PPP1R13B: variants seen among roughly 807,000 people sequenced by gnomAD.
PPP1R13B encodes apoptosis-stimulating of p53 protein 1.
Under a neutral mutation model 119.8 loss-of-function variants are expected in PPP1R13B, and 44 were observed. The ratio of observed to expected loss-of-function variants is 0.37; its 90% CI spans 0.29 to 0.47. The LOEUF (loss-of-function observed/expected upper bound fraction) is 0.47, where lower values mean the gene tolerates loss of function less well. Among genes scored for constraint, PPP1R13B ranks in the 20% least tolerant of loss-of-function variants. The pLI is 0.99. For synonymous variants in PPP1R13B, 542 were observed against 561.5 expected (o/e 0.97, Z 0.49); for missense variants, 1,227 against 1,413.5 (o/e 0.87, Z 2.12).
chr14:103,750,465 C>T (rs530165605), intron 7 of PPP1R13B, among the ~76,000 whole-genome samples: 6 of 152,204 alleles, frequency 3.9e-5, no homozygotes, highest in South Asian at 2.1e-4. Context: ...CTTAAACTTT[C>T]GGATGCCCAC....
intron 7 of PPP1R13B, among the ~76,000 whole-genome samples, chr14:103,750,178 C>G (rs1705431854): frequency 7.1e-6 from 1 of 141,726 alleles, no homozygotes; most frequent in African/African-American, 2.7e-5. Context: ...ATGACTAGTG[C>G]CAATGATGAT....
At position 103,808,820 on chromosome 14, in the gene PPP1R13B, A is replaced by G. The variant is rs556386963; in HGVS notation, c.10-11302T>C. 7.4e-4 allele frequency among the ~76,000 whole-genome samples: 113 copies of G among 152,310 alleles called. 3 individuals are homozygous for G. In the South Asian group the frequency reaches 0.014, roughly 19 times the overall value. Reference sequence around the variant, plus strand: ...TAAATAAATAAGACTGTAGAAGTACATATTTAACCCTCTTACGAAGGCAGA... The same window carrying G: ...TAAATAAATAAGACTGTAGAAGTACGTATTTAACCCTCTTACGAAGGCAGA... On this transcript the variant is annotated intron_variant, in intron 1 of 16. Transcript: ENST00000202556.
intron 1 of PPP1R13B, among the ~76,000 whole-genome samples, chr14:103,824,412 T>C (rs2086487820): frequency 6.7e-6 from 1 of 148,960 alleles, no homozygotes; most frequent in South Asian, 2.2e-4. Flanking sequence ...CAGGCATTAT[T>C]AGGCAGGGTG....
At chr14:103,823,823 C>T (rs1275305705) in intron 1 of PPP1R13B, among the ~76,000 whole-genome samples, 1 of 150,020 alleles carries the variant, frequency 6.7e-6, no homozygotes, top group African/African-American at 2.5e-5. Flanking sequence ...AATTAATATA[C>T]ATACACTTTA....
chr14:103,749,433 G>C (rs1295298896), intron 8 of PPP1R13B, among the ~76,000 whole-genome samples: 1 of 152,230 alleles, frequency 6.6e-6, no homozygotes, highest in Non-Finnish European at 1.5e-5. Flanking sequence ...GGCTACGCAA[G>C]TCAAAGAATT....
At chr14:103,763,130 C>G (rs573111406) in intron 4 of PPP1R13B, 19 of 665,558 alleles carry the variant, frequency 2.9e-5, no homozygotes, top group Non-Finnish European at 4.3e-5. Flanking sequence ...GCAGCTCCCT[C>G]ACACTGCCAC....
intron 3 of PPP1R13B, among the ~76,000 whole-genome samples, chr14:103,783,904 C>T (rs1313320392): frequency 1.3e-5 from 2 of 152,186 alleles, no homozygotes; most frequent in African/African-American, 2.4e-5. Context: ...TAGTGTTACA[C>T]TTACAAAGGC....
At chr14:103,829,710 G>A (rs565014998) in intron 1 of PPP1R13B, among the ~76,000 whole-genome samples, 63 of 152,266 alleles carry the variant, frequency 4.1e-4, no homozygotes, top group African/African-American at 1.4e-3. Flanking sequence ...CCTGGGCTCA[G>A]GCATTTCTGC....
At chr14:103,769,164 C>T (rs1025339890) in intron 4 of PPP1R13B, among the ~76,000 whole-genome samples, 1 of 152,196 alleles carries the variant, frequency 6.6e-6, no homozygotes, top group South Asian at 2.1e-4. Context: ...TGGCTCACCG[C>T]AACCTGTGCC....
chr14:103,820,856 TA>T (rs1197539218), intron 1 of PPP1R13B, among the ~76,000 whole-genome samples: 1 of 152,018 alleles, frequency 6.6e-6, no homozygotes, highest in Non-Finnish European at 1.5e-5. Context: ...CAACACTACA[TA>T]GGTGCCTCAA....
chr14:103,753,220 G>A (rs576154579), intron 6 of PPP1R13B, 24 bp from the exon 7 acceptor site: 2 of 1,550,964 alleles, frequency 1.3e-6, no homozygotes, highest in Admixed American at 2.0e-5. Context: ...CACAAGAAAA[G>A]AATAAAAGAT....
chr14:103,753,859 C>T (rs1818523227), intron 6 of PPP1R13B, among the ~76,000 whole-genome samples: 1 of 152,182 alleles, frequency 6.6e-6, no homozygotes, highest in Non-Finnish European at 1.5e-5. Flanking sequence ...AATCCTCCCA[C>T]CTCAGCCTCT....
At chr14:103,812,792 CAT>C (rs1489211074) in intron 1 of PPP1R13B, among the ~76,000 whole-genome samples, 1 of 152,268 alleles carries the variant, frequency 6.6e-6, no homozygotes, top group East Asian at 1.9e-4. Context: ...GAAAAATAAA[CAT>C]ATGAAAAACA....
chr14:103,780,081 G>A lies in PPP1R13B; in HGVS notation c.278-1260C>T, dbSNP rs746361444. 4.6e-5 allele frequency among the ~76,000 whole-genome samples: 7 copies of A among 151,856 alleles called. No individual in the cohort carries two copies. In the East Asian group the frequency reaches 7.8e-4, roughly 17 times the overall value. On this transcript the variant is annotated intron_variant, in intron 3 of 16. Coordinates refer to ENST00000202556, the MANE Select transcript of PPP1R13B (RefSeq NM_015316.3). ...GGAGAATTGCTTGAACCCGGGAGGC[G>A]GAGGTTGCAGTGAGCTGAGATAGCA...
chr14:103,736,628 C>A (rs1369064839), intron 15 of PPP1R13B: 6 of 170,254 alleles, frequency 3.5e-5, no homozygotes, highest in Non-Finnish European at 6.3e-5. Context: ...AGAAAGGGCC[C>A]TTCTGTGGGA....
At chr14:103,821,882 G>A (rs577720108) in intron 1 of PPP1R13B, among the ~76,000 whole-genome samples, 5 of 152,108 alleles carry the variant, frequency 3.3e-5, no homozygotes, top group Non-Finnish European at 7.4e-5. Context: ...TAAGCTAAGT[G>A]ACAATATTTG....
intron 8 of PPP1R13B, 60 bp from the exon 9 acceptor site, chr14:103,746,613 T>C (rs1348501643): frequency 7.2e-7 from 1 of 1,383,678 alleles, no homozygotes; most frequent in East Asian, 2.5e-5. Context: ...GTCCTAAGCT[T>C]AGTGCAAGAG....
chr14:103,733,429 G>A lies in PPP1R13B; in HGVS notation c.*1725C>T, dbSNP rs996736402. 14 of 179,694 alleles carry A rather than the reference G, an allele frequency of 7.8e-5. No homozygotes were observed. Among genetic ancestry groups the A allele is most frequent in the Non-Finnish European group, 1.2e-4 (10 of 84,950 alleles). The allele number at this position is 179,694 out of a possible 1,614,324, so 11.1% of individuals were successfully genotyped here. ...ACTCAGGCTTCTGGTCTGCAGTGGA[G>A]CCTGTTCGCCTCTAATAGCCAGTTT... is the stretch of plus-strand genomic sequence containing the variant. On this transcript the variant is annotated 3_prime_UTR_variant, in exon 17 of 17. Coordinates refer to ENST00000202556, the MANE Select transcript of PPP1R13B (RefSeq NM_015316.3).
intron 4 of PPP1R13B, among the ~76,000 whole-genome samples, chr14:103,776,536 T>C (rs2085198775): frequency 6.6e-6 from 1 of 152,140 alleles, no homozygotes; most frequent in Non-Finnish European, 1.5e-5. Flanking sequence ...AGGAAGGAAC[T>C]TGCCTAAGCT....
Sources: gnomAD v4.1 joint callset for allele counts (sites outside exome capture counted in the v4.1 genomes callset) on GRCh38, gnomAD v4.1.1 for gene constraint, MANE v1.5 for transcripts, NCBI Gene and HGNC (gene_info 2026-07-23, HGNC 2026-07-21) for gene names.